Variants in RP1 observed in about 807,000 individuals in gnomAD.
The protein encoded by RP1 is RP1 axonemal microtubule associated.
Under a neutral mutation model 14.8 loss-of-function variants are expected in RP1, and 16 were observed. That is an observed-to-expected ratio of 1.08 (90% CI 0.73 to 1.65). The LOEUF (loss-of-function observed/expected upper bound fraction) is 1.65. RP1 is among the 40% of genes most tolerant of loss of function. RP1 has a pLI of 0.00. For missense variants in RP1, 2,631 were observed against 2,535.0 expected (o/e 1.04, Z -0.81); for synonymous variants, 876 against 883.6 (o/e 0.99, Z 0.15).
chr8:54,621,910 C>T (rs1805890703), intron 2 of RP1, among the ~76,000 whole-genome samples: 1 of 152,074 alleles, frequency 6.6e-6, no homozygotes, highest in South Asian at 2.1e-4. Flanking sequence ...TCCTGGGATC[C>T]CTGCTGGGAC....
chr8:54,665,718 C>A (rs1234336083), intron 7 of RP1, among the ~76,000 whole-genome samples: 1 of 152,156 alleles, frequency 6.6e-6, no homozygotes, highest in Non-Finnish European at 1.5e-5. Context: ...GGTGGGTCAG[C>A]TGGAGACTTG....
In RP1 at chr8:54,626,404, A is replaced by T; in HGVS notation, c.2522A>T (p.Glu841Val). The change falls in exon 4 of 4, where the codon GAA becomes GTA. Residue 841 changes from glutamate (E) to valine (V), a missense_variant. Physicochemically the swap from Glu to Val is moderately radical, Grantham distance 121 (BLOSUM62 -2). Transcript: ENST00000220676. ...TTTTATGCACCGCAATCTCAAGCAG[A>T]AGTGGCATCTGGGTATTTGAGAGGA... ...KDFYAPQSQAEVASGYLRGMA... is the reference protein window; with the variant it reads ...KDFYAPQSQAVVASGYLRGMA... 1.9e-6 allele frequency: 3 copies of T among 1,613,668 alleles called. No individual in the cohort carries two copies. Among genetic ancestry groups the T allele is most frequent in the Non-Finnish European group, 2.5e-6 (3 of 1,179,870 alleles).
At position 54,799,339 on chromosome 8, in the gene RP1, C is replaced by T. The variant is rs1256559176; in HGVS notation, c.3615+15629C>T. ...CCAAATACCATAACAACAGCTTTGT[C>T]TTTCTTTAAAATTTATGAATATTTT... is the stretch of plus-strand genomic sequence containing the variant. On this transcript the variant is annotated intron_variant, in intron 24 of 28. Transcript: ENST00000637698. Among the ~76,000 whole-genome samples, 3 of 152,094 alleles carry T rather than the reference C, an allele frequency of 2.0e-5. No homozygotes were observed. The East Asian group carries it at 5.8e-4, about 29-fold the overall frequency.
chr8:54,817,328 G>A (rs1398315676), intron 24 of RP1, among the ~76,000 whole-genome samples: 2 of 152,192 alleles, frequency 1.3e-5, no homozygotes, highest in Non-Finnish European at 2.9e-5. Flanking sequence ...GTTAGGGTTG[G>A]TGTCTTGGGC....
Position 54,625,590 on chromosome 8 carries a change from A to G in RP1, c.1708A>G (p.Ile570Val), listed in dbSNP as rs1806019572. 1 of 1,614,160 alleles carries G rather than the reference A, an allele frequency of 6.2e-7. No homozygotes were observed. Among genetic ancestry groups the G allele is most frequent in the Non-Finnish European group, 8.5e-7 (1 of 1,180,012 alleles). ...ACATAATAATGGTTTGCCATCAACT[A>G]TATCAAATAACTCAATTGTGGAGGA... ...MSHNNGLPST[I>V]SNNSIVEEDV... is the part of the protein sequence containing the mutation. Residue 570 changes from isoleucine (I) to valine (V), a missense_variant, in exon 4 of 4, where the codon ATA becomes GTA. Physicochemically the swap from Ile to Val is conservative, Grantham distance 29. Coordinates refer to ENST00000220676, the MANE Select transcript of RP1 (RefSeq NM_006269.2).
chr8:54,595,595 C>T lies in RP1; in HGVS notation c.-12-25360C>T, dbSNP rs567417294. Among the ~76,000 whole-genome samples, 10 of 152,326 alleles carry T rather than the reference C, an allele frequency of 6.6e-5. No individual in the cohort carries two copies. The East Asian group carries it at 1.3e-3, about 21-fold the overall frequency. On this transcript the variant is annotated intron_variant, in intron 1 of 22. Transcript: ENST00000636932. Reference sequence around the variant, plus strand: ...GGAGATTTCTCCAAAATCGCTTCTTCCACTGGCTGCTTCCAATAATTTATT... The same window carrying T: ...GGAGATTTCTCCAAAATCGCTTCTTTCACTGGCTGCTTCCAATAATTTATT...
At chr8:54,745,766 T>C (rs1437784) in intron 19 of RP1, among the ~76,000 whole-genome samples, 118,770 of 151,664 alleles carry the variant, frequency 0.78, 47,163 homozygotes, top group African/African-American at 0.92. Flanking sequence ...GGAAATTAAC[T>C]CTTTTTCTAT....
rs147233355 is a variant in RP1, at chr8:54,600,642, G to A, written c.-12-20313G>A. On this transcript the variant is annotated intron_variant, in intron 1 of 22. Transcript: ENST00000636932. Reference sequence around the variant, plus strand: ...AAGAGAGGGATGCCTCATTATTGCTGGAGAAGGGCACAGGTCGAGGCTTCC... The same window carrying A: ...AAGAGAGGGATGCCTCATTATTGCTAGAGAAGGGCACAGGTCGAGGCTTCC... Among the ~76,000 whole-genome samples the A allele has an allele frequency of 8.2e-3, 1,250 of 152,092 alleles. 6 individuals carry two copies. Among genetic ancestry groups the A allele is most frequent in the Middle Eastern group, 0.037 (11 of 294 alleles).
chr8:54,789,539 C>T (rs938308273), intron 24 of RP1, among the ~76,000 whole-genome samples: 8 of 152,158 alleles, frequency 5.3e-5, no homozygotes, highest in Non-Finnish European at 1.2e-4. Context: ...GTGTCCCTGC[C>T]TGACCAGGGA....
intron 24 of RP1, among the ~76,000 whole-genome samples, chr8:54,825,587 G>A (rs892640854): frequency 1.3e-5 from 2 of 152,204 alleles, no homozygotes; most frequent in Non-Finnish European, 2.9e-5. Flanking sequence ...ACTCTTACCT[G>A]TTAGGTGGAG....
intron 22 of RP1, among the ~76,000 whole-genome samples, chr8:54,759,308 T>C (rs2129369323): frequency 6.6e-6 from 1 of 152,322 alleles, no homozygotes; most frequent in Admixed American, 6.5e-5. Context: ...CACGATGTTG[T>C]GTGTGTCACA....
chr8:54,822,073 T>C lies in RP1; in HGVS notation c.3616-15377T>C, dbSNP rs184831558. Among the ~76,000 whole-genome samples, 26 of 152,318 alleles carry C rather than the reference T, an allele frequency of 1.7e-4. No individual in the cohort carries two copies. The East Asian group carries it at 3.9e-3, about 23-fold the overall frequency. ...AACAAGTTGAGACTGTGAAAAGCCA[T>C]GCATTAGTAATTATATTTGAAAGAG... On this transcript the variant is annotated intron_variant, in intron 24 of 28. Transcript: ENST00000637698.
chr8:54,731,727 TCAAACAAACAAGCTGAACACA>T (rs1299235427), intron 17 of RP1, among the ~76,000 whole-genome samples: 1 of 152,102 alleles, frequency 6.6e-6, no homozygotes, highest in African/African-American at 2.4e-5. Context: ...GCAGATTAAA[TCAAACAAACAAGCTGAACACA>T]TACACACATA....
exon 8 of RP1, chr8:54,673,898 A>G (rs761921526): frequency 1.3e-6 from 2 of 1,535,882 alleles, no homozygotes; most frequent in African/African-American, 1.4e-5. Flanking sequence ...TTTGTGTAAG[A>G]TTGTGATAGG....
chr8:54,637,997 G>C (rs556238667), intron 3 of RP1, among the ~76,000 whole-genome samples: 1 of 152,064 alleles, frequency 6.6e-6, no homozygotes, highest in Non-Finnish European at 1.5e-5. Flanking sequence ...GACGTGAACT[G>C]CTTCAATCCA....
At chr8:54,616,423 A>G (rs1805716843) in intron 1 of RP1, among the ~76,000 whole-genome samples, 1 of 152,244 alleles carries the variant, frequency 6.6e-6, no homozygotes, top group African/African-American at 2.4e-5. Flanking sequence ...CAGGAAATCA[A>G]GTGATTCTAG....
intron 24 of RP1, among the ~76,000 whole-genome samples, chr8:54,825,052 C>A (rs62516280): frequency 2.6e-5 from 4 of 151,632 alleles, no homozygotes; most frequent in Admixed American, 6.6e-5. Context: ...TCACTGCAAG[C>A]TCCGCCTCCC....
At chr8:54,685,082 A>G (rs902714023) in intron 12 of RP1, among the ~76,000 whole-genome samples, 5 of 152,060 alleles carry the variant, frequency 3.3e-5, no homozygotes, top group Non-Finnish European at 1.5e-5. Flanking sequence ...CAGTCTGTCT[A>G]TTTTATTAAT....
intron 12 of RP1, among the ~76,000 whole-genome samples, chr8:54,681,509 TG>T (rs1563346180): frequency 0.022 from 3,302 of 151,850 alleles, 138 homozygotes; most frequent in African/African-American, 0.075. Context: ...TGTGTGTGTG[TG>T]TGTGTGTGTG....
Sources: gnomAD v4.1 joint callset for allele counts (sites outside exome capture counted in the v4.1 genomes callset) on GRCh38, gnomAD v4.1.1 for gene constraint, MANE v1.5 for transcripts, NCBI Gene and HGNC (gene_info 2026-07-23, HGNC 2026-07-21) for gene names.